Variants in OR51B5 observed in about 807,000 individuals in gnomAD.
The protein encoded by OR51B5 is olfactory receptor family 51 subfamily B member 5, also known as olfactory receptor 51B5.
For missense variants in OR51B5, 456 were observed against 374.6 expected, an observed-to-expected ratio of 1.22 and a Z score of -1.79; for synonymous variants, 186 against 144.8, an observed-to-expected ratio of 1.28 and a Z score of -2.04.
intron 1 of OR51B5, among the ~76,000 whole-genome samples, chr11:5,479,967 A>C (rs1851389432): frequency 6.8e-6 from 1 of 146,800 alleles, no homozygotes; most frequent in Non-Finnish European, 1.5e-5. Context: ...ACAGAAAGTC[A>C]ACAAGGATAC....
In OR51B5 at chr11:5,503,919, A is replaced by G. The variant is rs924397773; in HGVS notation, n.84+1650T>C. Among the ~76,000 whole-genome samples, 5 of 152,314 alleles carry G rather than the reference A, an allele frequency of 3.3e-5. No individual in the cohort carries two copies. In the South Asian group the frequency reaches 6.2e-4, roughly 19 times the overall value. On this transcript the variant is annotated intron_variant and non_coding_transcript_variant, in intron 1 of 4. Transcript: ENST00000415970. ...AATTAGACTGTCTAATCCTGGCTGT[A>G]ATATGAAGTGCTTTATAGCTTTAAG...
chr11:5,402,501 C>G (rs1490092148), intron 1 of OR51B5: 1 of 364,100 alleles, frequency 2.7e-6, no homozygotes, highest in Non-Finnish European at 5.6e-6. Context: ...CTTCCCTTCC[C>G]TCAGTGCCCA....
upstream of OR51B5, among the ~76,000 whole-genome samples, chr11:5,343,807 T>G (rs1848946331): frequency 6.6e-6 from 1 of 152,208 alleles, no homozygotes; most frequent in African/African-American, 2.4e-5. Context: ...GAAAAAAAAT[T>G]ATGTAAACTA....
intron 1 of OR51B5, among the ~76,000 whole-genome samples, chr11:5,442,177 A>G (rs868113791): frequency 6.6e-6 from 1 of 152,102 alleles, no homozygotes; most frequent in African/African-American, 2.4e-5. Flanking sequence ...TCTCCTCTTT[A>G]TCTCTCTTTC....
chr11:5,462,641 T>A (rs1851075140), intron 1 of OR51B5, among the ~76,000 whole-genome samples: 2 of 152,248 alleles, frequency 1.3e-5, no homozygotes, highest in African/African-American at 4.8e-5. Context: ...TTGAGTAATG[T>A]GCAGCAAGGG....
intron 1 of OR51B5, among the ~76,000 whole-genome samples, chr11:5,415,339 G>C (rs1463311278): frequency 6.6e-6 from 1 of 150,716 alleles, no homozygotes; most frequent in Non-Finnish European, 1.5e-5. Flanking sequence ...ATCCAAAATT[G>C]ACACCCTAAC....
At chr11:5,449,906 T>A (rs1465512181) in intron 1 of OR51B5, among the ~76,000 whole-genome samples, 2 of 152,238 alleles carry the variant, frequency 1.3e-5, no homozygotes, top group Admixed American at 1.3e-4. Context: ...TCATTCTTTA[T>A]TATCCATGAT....
At chr11:5,407,278 C>T (rs758673364) in intron 1 of OR51B5, among the ~76,000 whole-genome samples, 25 of 152,102 alleles carry the variant, frequency 1.6e-4, no homozygotes, top group South Asian at 4.1e-4. Context: ...ATAATAATCA[C>T]CTGCCTGTGT....
chr11:5,373,255 A>G (rs1009201025), intron 1 of OR51B5, among the ~76,000 whole-genome samples: 1 of 152,180 alleles, frequency 6.6e-6, no homozygotes, highest in Non-Finnish European at 1.5e-5. Flanking sequence ...AGTCTCGGCA[A>G]TTTTTTAGAT....
chr11:5,406,270 A>G (rs1208205351), intron 1 of OR51B5, among the ~76,000 whole-genome samples: 1 of 152,204 alleles, frequency 6.6e-6, no homozygotes, highest in Non-Finnish European at 1.5e-5. Context: ...GATTATAGCC[A>G]ATTTACTGAA....
At chr11:5,364,854 T>C (rs900893784) in intron 1 of OR51B5, among the ~76,000 whole-genome samples, 7 of 152,214 alleles carry the variant, frequency 4.6e-5, no homozygotes, top group Admixed American at 1.3e-4. Context: ...TAAGTTTCTA[T>C]TGGTGAATTT....
chr11:5,479,954 G>A (rs1335772637), intron 1 of OR51B5, among the ~76,000 whole-genome samples: 8 of 139,574 alleles, frequency 5.7e-5, no homozygotes, highest in African/African-American at 7.9e-5. Context: ...ACAGATCAAC[G>A]AGACAGAAAG....
intron 1 of OR51B5, chr11:5,389,846 GGCCA>G (rs1849765451): frequency 1.2e-6 from 2 of 1,613,820 alleles, no homozygotes; most frequent in Non-Finnish European, 1.7e-6. Flanking sequence ...CATTATCACT[GGCCA>G]GCAAGTGGTC....
intron 1 of OR51B5, chr11:5,423,351 G>A: frequency 3.5e-6 from 2 of 572,184 alleles, no homozygotes; most frequent in Admixed American, 3.4e-5. Flanking sequence ...ATGGATCTGA[G>A]TTGATAAAAT....
chr11:5,467,933 T>A (rs1038145600), intron 1 of OR51B5, among the ~76,000 whole-genome samples: 1 of 152,342 alleles, frequency 6.6e-6, no homozygotes. Flanking sequence ...ACATTTTTCT[T>A]TGTACTAAAC....
At chr11:5,413,127 C>A (rs769316833) in intron 1 of OR51B5, among the ~76,000 whole-genome samples, 57 of 152,158 alleles carry the variant, frequency 3.7e-4, no homozygotes, top group Admixed American at 1.5e-3. Context: ...TCGCGGTTCA[C>A]GAAAAACCAC....
intron 1 of OR51B5, among the ~76,000 whole-genome samples, chr11:5,446,944 G>C (rs997886994): frequency 2.0e-5 from 3 of 152,202 alleles, no homozygotes; most frequent in Non-Finnish European, 4.4e-5. Flanking sequence ...GTAGTTCCCA[G>C]AGAAATCTGG....
At chr11:5,468,848 C>A in intron 1 of OR51B5, 1 of 431,362 alleles carries the variant, frequency 2.3e-6, no homozygotes. Flanking sequence ...AGTGTCTCCA[C>A]AGGGCAGCCG....
At chr11:5,422,401 G>T (rs117407564) in intron 1 of OR51B5, 168 of 1,614,108 alleles carry the variant, frequency 1.0e-4, no homozygotes, top group Non-Finnish European at 1.4e-4. Context: ...TTCTCTCCAT[G>T]CTGGCCCTGA....
Sources: allele counts gnomAD v4.1 joint callset (sites outside exome capture counted in the v4.1 genomes callset), GRCh38; gene constraint gnomAD v4.1.1; transcripts MANE v1.5; gene names NCBI Gene and HGNC (gene_info 2026-07-23, HGNC 2026-07-21).